The following GPD2 variants were observed in gnomAD, a reference collection of about 807,000 sequenced individuals.
GPD2 encodes the protein glycerol-3-phosphate dehydrogenase 2.
Under a neutral mutation model 82.4 loss-of-function variants are expected in GPD2, and 54 were observed. That is an observed-to-expected ratio of 0.66 (90% confidence interval 0.53 to 0.82). GPD2 has a LOEUF of 0.82. Among genes scored for constraint, GPD2 ranks in the 40% least tolerant of loss-of-function variants. The probability of loss-of-function intolerance (pLI) is 0.00; values close to 1 mark genes in which losing one functional copy is unlikely to be tolerated. For missense variants in GPD2, 748 were observed against 896.2 expected (o/e 0.83, Z 2.11); for synonymous variants, 288 against 306.1 (o/e 0.94, Z 0.62).
chr2:156,434,885 TGCTGCGG>T (rs1688379398), upstream of GPD2, among the ~76,000 whole-genome samples: 3 of 152,178 alleles, frequency 2.0e-5, no homozygotes, highest in Admixed American at 6.5e-5. Flanking sequence ...GTGATGCTGA[TGCTGCGG>T]GCTCCAGTGA....
At position 156,476,120 on chromosome 2, in the gene GPD2, G is replaced by A. The variant is rs1286164243; in HGVS notation, c.15G>A (p.Lys5=). Residue 5 remains lysine, a synonymous_variant, in exon 2 of 17, where the codon AAG becomes AAA. Transcript: ENST00000438166. MAFQ[K]AVKGTILVGG... is the part of the protein sequence containing the mutation. ...TAGGCTAAGAAATGGCATTTCAAAA[G>A]GCAGTGAAAGGGACGATTCTTGTTG... 1.2e-6 allele frequency: 2 copies of A among 1,600,226 alleles called. No individual in the cohort carries two copies. The highest frequency in any genetic ancestry group is 1.7e-6 in the Non-Finnish European group (2 of 1,167,582).
chr2:156,519,400 A>G (rs183270955), intron 6 of GPD2, among the ~76,000 whole-genome samples: 2 of 152,352 alleles, frequency 1.3e-5, no homozygotes, highest in East Asian at 3.8e-4. Flanking sequence ...AAACATAAAA[A>G]CAAAGAACTA....
At chr2:156,512,998 A>G (rs1367037170) in intron 5 of GPD2, among the ~76,000 whole-genome samples, 1 of 152,164 alleles carries the variant, frequency 6.6e-6, no homozygotes. Context: ...GTACATTGTC[A>G]TCATCCAGGC....
intron 7 of GPD2, 51 bp downstream of exon 7, chr2:156,549,823 A>T: frequency 1.6e-6 from 2 of 1,288,296 alleles, no homozygotes; most frequent in Middle Eastern, 3.7e-4. Flanking sequence ...TGCCTAGCTT[A>T]TATAATGACT....
At chr2:156,493,840 C>T (rs1418594352) in intron 2 of GPD2, among the ~76,000 whole-genome samples, 1 of 151,246 alleles carries the variant, frequency 6.6e-6, no homozygotes, top group Non-Finnish European at 1.5e-5. Flanking sequence ...AAAGACTCTC[C>T]CTCCCTCATC....
chr2:156,404,350 G>A, the GPD2 span, among the ~76,000 whole-genome samples: 2 of 152,132 alleles, frequency 1.3e-5, no homozygotes, highest in Admixed American at 6.5e-5. Context: ...CTGTGCCACT[G>A]CACTCCAGCC....
intron 1 of GPD2, among the ~76,000 whole-genome samples, chr2:156,465,027 T>C (rs1314533088): frequency 6.6e-6 from 1 of 152,038 alleles, no homozygotes; most frequent in Non-Finnish European, 1.5e-5. Context: ...ATTTTTGTAG[T>C]TTTAGTAGAG....
At chr2:156,411,751 A>G in the GPD2 span, among the ~76,000 whole-genome samples, 1 of 152,230 alleles carries the variant, frequency 6.6e-6, no homozygotes. Flanking sequence ...CTTTAAACCT[A>G]AAGTTGTTCT....
chr2:156,497,044 G>T (rs1684410575), intron 3 of GPD2, among the ~76,000 whole-genome samples: 2 of 152,124 alleles, frequency 1.3e-5, no homozygotes, highest in South Asian at 4.1e-4. Context: ...CAATGCTCTT[G>T]GATATGTTGT....
intron 16 of GPD2, 120 bp downstream of exon 16, chr2:156,579,908 G>T: frequency 1.4e-6 from 1 of 711,782 alleles, no homozygotes; most frequent in East Asian, 2.7e-5. Context: ...TTCTGAAGAA[G>T]AAGAAAGCTC....
the GPD2 span, among the ~76,000 whole-genome samples, chr2:156,420,596 A>G: frequency 6.6e-6 from 1 of 152,358 alleles, no homozygotes. Context: ...AGGTTGGTCA[A>G]TAGAAACTAA....
intron 9 of GPD2, among the ~76,000 whole-genome samples, chr2:156,561,291 C>G (rs1277346430): frequency 6.6e-6 from 1 of 151,952 alleles, no homozygotes; most frequent in Non-Finnish European, 1.5e-5. Context: ...CGTGATCCAC[C>G]CGCCTTGGCC....
intron 1 of GPD2, among the ~76,000 whole-genome samples, chr2:156,462,527 T>C (rs1381454326): frequency 6.6e-6 from 1 of 151,058 alleles, no homozygotes; most frequent in Non-Finnish European, 1.5e-5. Flanking sequence ...GTCTCAAACT[T>C]CCACCCTCAG....
At chr2:156,405,875 C>T in the GPD2 span, among the ~76,000 whole-genome samples, 22 of 152,284 alleles carry the variant, frequency 1.4e-4, no homozygotes, top group South Asian at 3.9e-3. Context: ...GTGCGACAGG[C>T]AGGGGTTGTA....
At chr2:156,430,287 A>G in the GPD2 span, among the ~76,000 whole-genome samples, 1 of 152,180 alleles carries the variant, frequency 6.6e-6, no homozygotes. Flanking sequence ...TGTCTTCAGC[A>G]TATTACTTAA....
chr2:156,476,327 G>C (rs543975569), intron 2 of GPD2, 120 bp downstream of exon 2: 1 of 710,858 alleles, frequency 1.4e-6, no homozygotes, highest in Non-Finnish European at 2.6e-6. Flanking sequence ...TTCTCAGTTT[G>C]ATCTGAAAGA....
chr2:156,545,635 G>A (rs1686500070), intron 6 of GPD2, among the ~76,000 whole-genome samples: 1 of 152,186 alleles, frequency 6.6e-6, no homozygotes. Flanking sequence ...CCATTTAAAA[G>A]TATGCTATAT....
chr2:156,559,977 AATATT>A (rs1484791350), intron 9 of GPD2, among the ~76,000 whole-genome samples: 1 of 152,160 alleles, frequency 6.6e-6, no homozygotes, highest in Non-Finnish European at 1.5e-5. Flanking sequence ...ATCTGTATAT[AATATT>A]TGTTGAAAGT....
chr2:156,579,847 A>G (rs914966387), intron 16 of GPD2, 59 bp downstream of exon 16: 7 of 828,942 alleles, frequency 8.4e-6, no homozygotes, highest in Admixed American at 3.5e-5. Flanking sequence ...TGTCATGATC[A>G]TAAATGCATG....
Sources: allele counts gnomAD v4.1 joint callset (sites outside exome capture counted in the v4.1 genomes callset), GRCh38; gene constraint gnomAD v4.1.1; transcripts MANE v1.5; gene names NCBI Gene and HGNC (gene_info 2026-07-23, HGNC 2026-07-21).